Variants in ASB7 observed in about 807,000 individuals in gnomAD.
ASB7 encodes the protein ankyrin repeat and SOCS box containing 7, also known as ankyrin repeat and SOCS box protein 7.
A neutral mutation model predicts 32.5 loss-of-function variants in ASB7; 4 were observed. The observed-to-expected ratio is 0.12, with a 90% CI of 0.06 to 0.28. The LOEUF is 0.28. ASB7 is among the 10% of genes least tolerant of loss of function. ASB7 has a pLI of 1.00. For missense variants in ASB7, 181 were observed against 407.1 expected, an observed-to-expected ratio of 0.44 and a Z score of 4.78; for synonymous variants, 172 against 155.6, an observed-to-expected ratio of 1.11 and a Z score of -0.78.
chr15:100,629,696 C>T lies in ASB7; in HGVS notation c.471C>T (p.Ala157=), dbSNP rs1158751306. 6.2e-7 allele frequency: 1 copy of T among 1,614,208 alleles called. No individual in the cohort carries two copies. Among genetic ancestry groups the T allele is most frequent in the South Asian group, 1.1e-5 (1 of 91,086 alleles). The part of the protein sequence containing the change: ...SDKGTTPLQL[A]IIRERSSCVK... ...AAGGTACCACACCGCTTCAGCTCGC[C>T]ATTATCCGAGAGAGGTCAAGCTGTG... The change falls in exon 5 of 6, where the codon GCC becomes GCT. Residue 157 remains alanine (A), a synonymous_variant. Coordinates refer to ENST00000332783, the MANE Select transcript of ASB7 (RefSeq NM_198243.3). This position sits in a 1 kb window ranked among gnomAD's most constrained non-coding sequence, Gnocchi z 6.8.
chr15:100,604,581 G>A (rs2039623434), intron 2 of ASB7, among the ~76,000 whole-genome samples: 1 of 152,130 alleles, frequency 6.6e-6, no homozygotes, highest in Non-Finnish European at 1.5e-5. Context: ...CATAGCTAAA[G>A]AGATAAAGAC....
intron 4 of ASB7, among the ~76,000 whole-genome samples, chr15:100,624,976 GGC>G (rs1414279933): frequency 2.0e-5 from 3 of 152,148 alleles, no homozygotes; most frequent in Non-Finnish European, 4.4e-5. Context: ...AAAATCAATA[GGC>G]TGAGTAATTT....
At chr15:100,632,588 C>CT (rs2039892199) in intron 5 of ASB7, among the ~76,000 whole-genome samples, 3 of 152,254 alleles carry the variant, frequency 2.0e-5, no homozygotes, top group Admixed American at 6.5e-5. Context: ...AAGCTGAGAG[C>CT]TTCTTCTAGC....
intron 5 of ASB7, among the ~76,000 whole-genome samples, chr15:100,643,428 C>G (rs1025786005): frequency 6.6e-6 from 1 of 151,226 alleles, no homozygotes; most frequent in Non-Finnish European, 1.5e-5. Context: ...AAAACAAATC[C>G]ATATCAGCAG....
intron 4 of ASB7, among the ~76,000 whole-genome samples, chr15:100,623,760 T>C (rs1274831521): frequency 6.6e-6 from 1 of 152,064 alleles, no homozygotes; most frequent in Admixed American, 6.5e-5. Context: ...GACTGTAAAT[T>C]AGTACAACCT....
chr15:100,611,174 A>G (rs1004668650), intron 3 of ASB7, among the ~76,000 whole-genome samples: 1 of 152,098 alleles, frequency 6.6e-6, no homozygotes, highest in Non-Finnish European at 1.5e-5. Context: ...CCTGCCGAGT[A>G]GCTGGGACTA....
intron 5 of ASB7, among the ~76,000 whole-genome samples, chr15:100,637,045 C>T (rs531737587): frequency 5.3e-5 from 8 of 152,258 alleles, no homozygotes; most frequent in South Asian, 2.1e-4. Flanking sequence ...TAAGAATGTC[C>T]GTGATGAGGC....
intron 4 of ASB7, among the ~76,000 whole-genome samples, chr15:100,622,584 G>A (rs2039803583): frequency 6.6e-6 from 1 of 152,192 alleles, no homozygotes; most frequent in South Asian, 2.1e-4. Context: ...AACCAAAACA[G>A]CATGGTATTG....
intron 5 of ASB7, among the ~76,000 whole-genome samples, chr15:100,630,946 G>A (rs1273226369): frequency 6.6e-6 from 1 of 152,108 alleles, no homozygotes; most frequent in Non-Finnish European, 1.5e-5. Flanking sequence ...TATACAAGAG[G>A]ACATATTAAC....
In ASB7 at chr15:100,626,309, G is replaced by T. The variant is rs147526273; in HGVS notation, c.212-3128G>T. ...TAATGAGGAGACAACCAATAAAAAT[G>T]GATAAAGGAGGTGAACAGACAATTC... On this transcript the variant is annotated intron_variant, in intron 4 of 5. Coordinates refer to ENST00000332783, the MANE Select transcript of ASB7 (RefSeq NM_198243.3). Among the ~76,000 whole-genome samples, 9 of 152,244 alleles carry T rather than the reference G, an allele frequency of 5.9e-5. No homozygotes were observed. The East Asian group carries it at 1.5e-3, about 26-fold the overall frequency.
At position 100,612,444 on chromosome 15, in the gene ASB7, C is replaced by G. The variant is rs1192673970; in HGVS notation, c.211+17C>G. ...AACACGGAGGTGAGTTTTGTAGAAG[C>G]AAATCTTTTTCCCCATGGAGAAACA... On this transcript the variant is annotated intron_variant, in intron 4 of 5. Transcript: ENST00000332783. The G allele has an allele frequency of 1.3e-6, 2 of 1,574,484 alleles. No individual in the cohort carries two copies. The highest frequency in any genetic ancestry group is 1.7e-5 in the Admixed American group (1 of 59,940).
chr15:100,624,492 C>G (rs1052705894), intron 4 of ASB7, among the ~76,000 whole-genome samples: 2 of 152,152 alleles, frequency 1.3e-5, no homozygotes, highest in African/African-American at 4.8e-5. Context: ...TACAGATCCT[C>G]TAGACATCAA....
At chr15:100,645,876 A>G (rs919726978) in intron 5 of ASB7, 8 of 831,538 alleles carry the variant, frequency 9.6e-6, no homozygotes, top group Non-Finnish European at 1.4e-5. Flanking sequence ...TTTCTTCAGC[A>G]TCTGACCACA....
intron 3 of ASB7, 86 bp from the exon 4 acceptor site, chr15:100,612,080 A>G (rs867060849): frequency 1.1e-5 from 8 of 761,434 alleles, no homozygotes; most frequent in African/African-American, 5.2e-5. Context: ...TGATGTAGCA[A>G]ATGGAATGTT....
chr15:100,645,347 A>G (rs1039026128), intron 5 of ASB7: 1 of 250,108 alleles, frequency 4.0e-6, no homozygotes, highest in South Asian at 4.9e-5. Context: ...CTGCATCTGC[A>G]TCAATGTAAT....
At chr15:100,626,978 G>A (rs2039844733) in intron 4 of ASB7, among the ~76,000 whole-genome samples, 1 of 151,952 alleles carries the variant, frequency 6.6e-6, no homozygotes, top group South Asian at 2.1e-4. Flanking sequence ...TTGAGATGAT[G>A]GAATGTTCTA....
chr15:100,608,777 G>C (rs1426894293), intron 2 of ASB7, among the ~76,000 whole-genome samples: 3 of 152,170 alleles, frequency 2.0e-5, no homozygotes, highest in Non-Finnish European at 4.4e-5. Context: ...CCTTGAAGAG[G>C]TTTGTCAAGG....
intron 2 of ASB7, among the ~76,000 whole-genome samples, chr15:100,608,902 G>T (rs2039670858): frequency 6.6e-6 from 1 of 152,178 alleles, no homozygotes; most frequent in Non-Finnish European, 1.5e-5. Flanking sequence ...AGGTTGCTAA[G>T]TGGCCCGACC....
At chr15:100,619,054 C>T (rs1434731038) in intron 4 of ASB7, among the ~76,000 whole-genome samples, 3 of 152,060 alleles carry the variant, frequency 2.0e-5, no homozygotes, top group Non-Finnish European at 1.5e-5. Flanking sequence ...CAAGGCAGTT[C>T]CAAAAGAGTG....
Sources: gnomAD v4.1 joint callset for allele counts (sites outside exome capture counted in the v4.1 genomes callset) on GRCh38, gnomAD v4.1.1 for gene constraint, Gnocchi (gnomAD v3.1) non-coding constraint, MANE v1.5 for transcripts, NCBI Gene and HGNC (gene_info 2026-07-23, HGNC 2026-07-21) for gene names.